Variants in TPH1 observed in about 807,000 individuals in gnomAD.
The protein encoded by TPH1 is tryptophan hydroxylase 1, also known as tryptophan 5-hydroxylase 1.
Under a neutral mutation model 49.5 loss-of-function variants are expected in TPH1, and 37 were observed. The ratio of observed to expected loss-of-function variants is 0.75; its 90% CI spans 0.58 to 0.98. The LOEUF is 0.98. TPH1 is among the 50% of genes least tolerant of loss of function. The pLI is 0.00. For synonymous variants in TPH1, 160 were observed against 182.1 expected, an observed-to-expected ratio of 0.88 and a Z score of 0.98; for missense variants, 487 against 523.6, an observed-to-expected ratio of 0.93 and a Z score of 0.68.
In TPH1 at chr11:18,020,953, G is replaced by A. The variant is rs376031874; in HGVS notation, c.*38C>T. 3.5e-5 allele frequency: 56 copies of A among 1,607,148 alleles called. No homozygotes were observed. In the African/African-American group the frequency reaches 4.4e-4, roughly 13 times the overall value. The stretch of plus-strand genomic sequence containing the variant: ...AAAGCAAGAGATGGCCCAGACCTCC[G>A]AATTGATGCTCAAATGTTCCTGGAT... On this transcript the variant is annotated 3_prime_UTR_variant, in exon 11 of 11. Coordinates refer to ENST00000682019, the MANE Select transcript of TPH1 (RefSeq NM_004179.3).
At chr11:18,035,918 T>C (rs774801675) in intron 3 of TPH1, 41 bp downstream of exon 3, 12 of 1,457,590 alleles carry the variant, frequency 8.2e-6, no homozygotes, top group Non-Finnish European at 1.1e-5. Context: ...ACACATTAGG[T>C]GTTTCATCTT....
At chr11:18,023,493 A>G (rs1452654727) in intron 9 of TPH1, among the ~76,000 whole-genome samples, 1 of 152,086 alleles carries the variant, frequency 6.6e-6, no homozygotes, top group African/African-American at 2.4e-5. Flanking sequence ...ATATACACAT[A>G]CCATTTCATA....
chr11:18,022,758 TC>T, intron 10 of TPH1, 39 bp downstream of exon 10: 2 of 1,609,302 alleles, frequency 1.2e-6, no homozygotes. Context: ...GGCTGATCTT[TC>T]CCTGAAGAAA....
intron 2 of TPH1, 151 bp downstream of exon 2, chr11:18,040,495 G>A: frequency 3.0e-6 from 2 of 673,728 alleles, no homozygotes; most frequent in South Asian, 3.9e-5. Flanking sequence ...AGCCTCCCAG[G>A]TAGCTGGAAC....
In TPH1 at chr11:18,025,420, G is replaced by GC. The variant is rs1325714398; in HGVS notation, c.930+154dup. On this transcript the variant is annotated intron_variant, in intron 8 of 10. Transcript: ENST00000682019. ...TTTTCTGACAGAGTCTCTCTCTGTT[G>GC]CCCAGGCTGGAGTGCAGTGGCACAA... Among the ~76,000 whole-genome samples the GC allele has an allele frequency of 5.3e-5, 8 of 151,028 alleles. 1 individual carries two copies. In the East Asian group the frequency reaches 1.6e-3, roughly 29 times the overall value.
chr11:18,042,085 C>T (rs1452870512), intron 1 of TPH1, among the ~76,000 whole-genome samples: 1 of 152,086 alleles, frequency 6.6e-6, no homozygotes, highest in East Asian at 1.9e-4. Context: ...TTCCCACCAC[C>T]CCACCCCTTT....
chr11:18,041,986 A>C (rs1044952598), intron 1 of TPH1, among the ~76,000 whole-genome samples: 1 of 152,202 alleles, frequency 6.6e-6, no homozygotes, highest in Non-Finnish European at 1.5e-5. Context: ...TGGAAGACAG[A>C]CTTCTCAATA....
intron 6 of TPH1, 93 bp from the exon 7 acceptor site, chr11:18,026,718 T>C (rs1352317542): frequency 8.9e-6 from 13 of 1,464,956 alleles, no homozygotes; most frequent in Non-Finnish European, 1.2e-5. Flanking sequence ...AAGTAACACG[T>C]TGATGGAAGG....
At chr11:18,044,282 T>C (rs1044809221) in intron 1 of TPH1, among the ~76,000 whole-genome samples, 5 of 151,266 alleles carry the variant, frequency 3.3e-5, no homozygotes, top group Admixed American at 6.6e-5. Flanking sequence ...ATTGGCTGGG[T>C]GTGGTGGCGG....
intron 1 of TPH1, among the ~76,000 whole-genome samples, chr11:18,041,654 T>G (rs1299719407): frequency 6.6e-6 from 1 of 152,214 alleles, no homozygotes; most frequent in Non-Finnish European, 1.5e-5. Context: ...GATACATAAT[T>G]CAAAATTTAA....
chr11:18,037,022 A>G lies in TPH1; in HGVS notation c.118-880T>C, dbSNP rs185649063. ...AGCATTACGACTTAAGAGAGAGTAG[A>G]AAGTTTCATGGAGCAGGTGGGAACT... On this transcript the variant is annotated intron_variant, in intron 2 of 10. Transcript: ENST00000682019. 6.9e-3 allele frequency among the ~76,000 whole-genome samples: 1,055 copies of G among 152,268 alleles called. 18 individuals are homozygous for G. Among genetic ancestry groups the G allele is most frequent in the Non-Finnish European group, 4.4e-3 (301 of 68,012 alleles).
rs1443092775 is a variant in TPH1, at chr11:18,019,243, G to A, written c.*1748C>T. 2 of 154,104 alleles carry A rather than the reference G, an allele frequency of 1.3e-5. No homozygotes were observed. The highest frequency in any genetic ancestry group is 4.8e-5 in the African/African-American group (2 of 41,424). The allele number at this position is 154,104 out of a possible 1,614,324, so 9.5% of individuals were successfully genotyped here. Reference sequence around the variant, plus strand: ...GAAGTGTTAAAAGATCTATTAGTCTGTTGAAATAAAACACATTAAATGGTA... The same window carrying A: ...GAAGTGTTAAAAGATCTATTAGTCTATTGAAATAAAACACATTAAATGGTA... On this transcript the variant is annotated 3_prime_UTR_variant, in exon 11 of 11. Transcript: ENST00000682019.
At chr11:18,021,476 CTT>C in intron 10 of TPH1, among the ~76,000 whole-genome samples, 1 of 152,166 alleles carries the variant, frequency 6.6e-6, no homozygotes, top group South Asian at 2.1e-4. Flanking sequence ...GTATACATCT[CTT>C]GACTACAGTA....
chr11:18,040,793 A>C lies in TPH1; in HGVS notation c.-26-5T>G. Reference sequence around the variant, plus strand: ...ATTTGGAGTAATTCTCTAAAACTAAAGTATGAAAACAAAGACTACGGGCTA... The same window carrying C: ...ATTTGGAGTAATTCTCTAAAACTAACGTATGAAAACAAAGACTACGGGCTA... On this transcript the variant is annotated splice_region_variant and splice_polypyrimidine_tract_variant and intron_variant, in intron 1 of 10. Coordinates refer to ENST00000682019, the MANE Select transcript of TPH1 (RefSeq NM_004179.3). The C allele has an allele frequency of 1.2e-6, 2 of 1,607,080 alleles. No individual in the cohort carries two copies. Among genetic ancestry groups the C allele is most frequent in the South Asian group, 2.2e-5 (2 of 90,772 alleles).
At chr11:18,022,988 C>A (rs190075007) in intron 9 of TPH1, 57 bp from the exon 10 acceptor site, 1 of 1,585,096 alleles carries the variant, frequency 6.3e-7, no homozygotes, top group East Asian at 2.2e-5. Flanking sequence ...ATAGATCATG[C>A]AACTTCCATA....
intron 8 of TPH1, 38 bp from the exon 9 acceptor site, chr11:18,024,021 G>A (rs768238477): frequency 5.2e-5 from 76 of 1,459,322 alleles, no homozygotes; most frequent in Non-Finnish European, 7.0e-5. Flanking sequence ...ACACACTGAC[G>A]AATTCAACTT....
Position 18,021,000 on chromosome 11 carries a change from C to G in TPH1, c.1326G>C (p.Pro442=), listed in dbSNP as rs745308057. 6 of 1,613,922 alleles carry G rather than the reference C, an allele frequency of 3.7e-6. No homozygotes were observed. Among genetic ancestry groups the G allele is most frequent in the Non-Finnish European group, 5.1e-6 (6 of 1,179,912 alleles). The stretch of plus-strand genomic sequence containing the variant: ...GGATGACTGGCTACTGTTAGATACT[C>G]GGCTTCCTGCTGACCTTAGCAAGGG... ...SDALAKVSRK[P]SI Residue 442 remains proline (P), a synonymous_variant, in exon 11 of 11, where the codon CCG becomes CCC. Transcript: ENST00000682019.
At chr11:18,038,510 C>A (rs1452542399) in intron 2 of TPH1, among the ~76,000 whole-genome samples, 1 of 152,152 alleles carries the variant, frequency 6.6e-6, no homozygotes, top group Non-Finnish European at 1.5e-5. Flanking sequence ...ATTCAATGTA[C>A]ATATCAAACA....
At position 18,026,604 on chromosome 11, in the gene TPH1, C is replaced by T. The variant is rs772613221; in HGVS notation, c.689G>A (p.Arg230His). The T allele has an allele frequency of 2.9e-5, 46 of 1,613,758 alleles. No homozygotes were observed. Among genetic ancestry groups the T allele is most frequent in the Middle Eastern group, 3.3e-4 (2 of 6,084 alleles). The change falls in exon 7 of 11, where the codon CGT becomes CAT. Residue 230 changes from arginine (R) to histidine (H), a missense_variant. By Grantham distance (29) the Arg-to-His change is conservative. Coordinates refer to ENST00000682019, the MANE Select transcript of TPH1 (RefSeq NM_004179.3). ...FLKERTGFSI[R>H]PVAGYLSPRD... ...TGGTGATAAGTAACCAGCCACAGGACGGATGGAAAAACCTGTACGCTCTGC... is the reference window on the plus strand; with the variant it reads ...TGGTGATAAGTAACCAGCCACAGGATGGATGGAAAAACCTGTACGCTCTGC...
Sources: gnomAD v4.1 joint callset for allele counts (sites outside exome capture counted in the v4.1 genomes callset) on GRCh38, gnomAD v4.1.1 for gene constraint, MANE v1.5 for transcripts, NCBI Gene and HGNC (gene_info 2026-07-23, HGNC 2026-07-21) for gene names.